The following COTL1 variants were observed in gnomAD, a reference collection of about 807,000 sequenced individuals.
COTL1 encodes coactosin like F-actin binding protein 1.
Under a neutral mutation model 16.5 loss-of-function variants are expected in COTL1, and 15 were observed. The observed-to-expected ratio is 0.91, with a 90% confidence interval of 0.61 to 1.40. The LOEUF (loss-of-function observed/expected upper bound fraction) is 1.40, where lower values mean the gene tolerates loss of function less well. Among genes scored for constraint, COTL1 ranks in the 40% most tolerant of loss-of-function variants. The probability of loss-of-function intolerance (pLI) is 0.00; values close to 1 mark genes in which losing one functional copy is unlikely to be tolerated. For synonymous variants in COTL1, 112 were observed against 85.3 expected (o/e 1.31, Z -1.73); for missense variants, 220 against 201.5 (o/e 1.09, Z -0.56).
At chr16:84,593,602 C>T (rs58120536) in intron 2 of COTL1, among the ~76,000 whole-genome samples, 35,832 of 151,598 alleles carry the variant, frequency 0.24, 4,500 homozygotes, top group East Asian at 0.3. Context: ...AGCTCCGCCT[C>T]CCGGGTTCAC....
intron 2 of COTL1, among the ~76,000 whole-genome samples, chr16:84,610,294 A>G (rs1427863547): frequency 1.3e-5 from 2 of 152,334 alleles, no homozygotes; most frequent in East Asian, 3.9e-4. Context: ...TGGCCTGAGA[A>G]AAAATATTAC....
intron 2 of COTL1, among the ~76,000 whole-genome samples, chr16:84,609,119 A>C (rs1905269269): frequency 6.6e-6 from 1 of 152,158 alleles, no homozygotes; most frequent in Non-Finnish European, 1.5e-5. Context: ...CAAATTTCTG[A>C]AACCCGGGTG....
At position 84,600,930 on chromosome 16, in the gene COTL1, C is replaced by G. The variant is rs117328597; in HGVS notation, c.161-10668G>C. ...AAGGTTTTCCCCCTATGACAAAGCA[C>G]TAGCACTTTCTTTCATGATAATTCT... On this transcript the variant is annotated intron_variant, in intron 2 of 3. Coordinates refer to ENST00000262428, the MANE Select transcript of COTL1 (RefSeq NM_021149.5). 2.0e-5 allele frequency among the ~76,000 whole-genome samples: 3 copies of G among 152,320 alleles called. No individual in the cohort carries two copies. In the East Asian group the frequency reaches 5.8e-4, roughly 29 times the overall value.
intron 3 of COTL1, among the ~76,000 whole-genome samples, chr16:84,581,415 G>A (rs558313333): frequency 6.6e-6 from 1 of 152,194 alleles, no homozygotes; most frequent in African/African-American, 2.4e-5. Context: ...CTTTGCAAGG[G>A]GGAGCAGCAG....
intron 1 of COTL1, 54 bp from the exon 2 acceptor site, chr16:84,617,637 G>GT: frequency 6.6e-7 from 1 of 1,516,202 alleles, no homozygotes; most frequent in Non-Finnish European, 9.0e-7. Context: ...TGGTGGCCGC[G>GT]CGACGCGGCG....
intron 2 of COTL1, among the ~76,000 whole-genome samples, chr16:84,600,903 T>C (rs1489521930): frequency 6.6e-6 from 1 of 152,160 alleles, no homozygotes; most frequent in African/African-American, 2.4e-5. Context: ...AACCGAGAGC[T>C]AAAGGTTTTC....
At chr16:84,591,773 G>C (rs2150688489) in intron 2 of COTL1, among the ~76,000 whole-genome samples, 1 of 149,600 alleles carries the variant, frequency 6.7e-6, no homozygotes, top group Non-Finnish European at 1.5e-5. Flanking sequence ...CAGTTGAGTA[G>C]AGATTACGCC....
intron 2 of COTL1, among the ~76,000 whole-genome samples, chr16:84,591,476 G>A (rs62050718): frequency 0.2 from 30,376 of 150,006 alleles, 3,420 homozygotes; most frequent in African/African-American, 0.31. Flanking sequence ...GAGCCACCGC[G>A]CCCAGCCTGA....
At chr16:84,591,827 T>G (rs867347772) in intron 2 of COTL1, among the ~76,000 whole-genome samples, 1 of 85,290 alleles carries the variant, frequency 1.2e-5, no homozygotes, top group African/African-American at 6.6e-5. Flanking sequence ...CTGTCTCAAA[T>G]AAAATAAAAT....
intron 3 of COTL1, among the ~76,000 whole-genome samples, chr16:84,574,772 C>T (rs1238188341): frequency 4.0e-5 from 6 of 151,888 alleles, no homozygotes; most frequent in South Asian, 4.2e-4. Flanking sequence ...TTAGTAGAGA[C>T]GGGGTTTCAC....
intron 2 of COTL1, among the ~76,000 whole-genome samples, chr16:84,605,127 C>A (rs1905186390): frequency 6.7e-6 from 1 of 150,010 alleles, no homozygotes; most frequent in Non-Finnish European, 1.5e-5. Context: ...AAACACTTCC[C>A]ACGGCCCCCC....
chr16:84,566,771 C>A lies in COTL1; in HGVS notation c.*74G>T, dbSNP rs562218563. ...CCCTGGTGGGCTGGTGGGCTAGTAGCTGAGGCCGGCGGTCCTCTCCCCCGG... is the reference window on the plus strand; with the variant it reads ...CCCTGGTGGGCTGGTGGGCTAGTAGATGAGGCCGGCGGTCCTCTCCCCCGG... On this transcript the variant is annotated 3_prime_UTR_variant, in exon 4 of 4. Transcript: ENST00000262428. The A allele has an allele frequency of 2.0e-6, 2 of 1,015,664 alleles. No homozygotes were observed. Among genetic ancestry groups the A allele is most frequent in the South Asian group, 1.4e-5 (1 of 73,132 alleles). 62.9% of individuals were successfully genotyped at this position (1,015,664 alleles called of 1,614,324 possible). A position where few individuals can be genotyped will look rare whatever the true frequency, so the allele number is the denominator to read the frequency against.
chr16:84,617,336 GT>G lies in COTL1; in HGVS notation c.160+164del, dbSNP rs370474720. On this transcript the variant is annotated intron_variant, in intron 2 of 3. Transcript: ENST00000262428. ...GCTTCGGATGTCCAGAGGGGAGAAG[GT>G]TTTATGAGGCCTTAAAACGCTCACA... Among the ~76,000 whole-genome samples the G allele has an allele frequency of 2.8e-3, 432 of 152,316 alleles. 11 individuals are homozygous for G. Among genetic ancestry groups the G allele is most frequent in the East Asian group, 9.3e-3 (48 of 5,168 alleles).
intron 3 of COTL1, among the ~76,000 whole-genome samples, chr16:84,583,162 A>G (rs917648499): frequency 6.6e-6 from 1 of 152,200 alleles, no homozygotes; most frequent in African/African-American, 2.4e-5. Context: ...GATTCCAGGC[A>G]TAGCTTTGCC....
At chr16:84,616,978 G>C (rs78336102) in intron 2 of COTL1, among the ~76,000 whole-genome samples, 3,336 of 152,242 alleles carry the variant, frequency 0.022, 116 homozygotes, top group African/African-American at 0.077. Context: ...CCTTGTCTAG[G>C]ATTTCTAAAT....
At chr16:84,604,211 A>C (rs1597183300) in intron 2 of COTL1, among the ~76,000 whole-genome samples, 1 of 35,636 alleles carries the variant, frequency 2.8e-5, no homozygotes, top group East Asian at 5.5e-4. Context: ...ATCCACACTC[A>C]CCGGCCATAG....
In COTL1 at chr16:84,590,988, T is replaced by A. The variant is rs890305976; in HGVS notation, c.161-726A>T. 1.3e-5 allele frequency among the ~76,000 whole-genome samples: 2 copies of A among 152,210 alleles called. No homozygotes were observed. Among genetic ancestry groups the A allele is most frequent in the African/African-American group, 4.8e-5 (2 of 41,454 alleles). ...CACATTTCCATTGGCTGTGTTATGCTTGTTCTATCTTATATAGTCATTTTT... is the reference window on the plus strand; with the variant it reads ...CACATTTCCATTGGCTGTGTTATGCATGTTCTATCTTATATAGTCATTTTT... On this transcript the variant is annotated intron_variant, in intron 2 of 3. Coordinates refer to ENST00000262428, the MANE Select transcript of COTL1 (RefSeq NM_021149.5). This position sits in a 1 kb window ranked among gnomAD's most constrained non-coding sequence, Gnocchi z 5.5.
At chr16:84,574,041 G>A (rs1022376000) in intron 3 of COTL1, among the ~76,000 whole-genome samples, 3 of 152,074 alleles carry the variant, frequency 2.0e-5, no homozygotes, top group South Asian at 2.1e-4. Context: ...GGTGGTGTGC[G>A]CCTGTTGTCC....
At chr16:84,574,977 C>T (rs1904419245) in intron 3 of COTL1, among the ~76,000 whole-genome samples, 1 of 152,140 alleles carries the variant, frequency 6.6e-6, no homozygotes, top group South Asian at 2.1e-4. Context: ...CATCTATTTG[C>T]CACGCTGGAT....
Sources: allele counts gnomAD v4.1 joint callset (sites outside exome capture counted in the v4.1 genomes callset), GRCh38; gene constraint gnomAD v4.1.1; non-coding constraint Gnocchi (gnomAD v3.1); transcripts MANE v1.5; gene names NCBI Gene and HGNC (gene_info 2026-07-23, HGNC 2026-07-21).